Variants in ABCF1 observed in about 807,000 individuals in gnomAD.
ABCF1 encodes ATP binding cassette subfamily F member 1.
A neutral mutation model predicts 126.3 loss-of-function variants in ABCF1; 73 were observed. That is an observed-to-expected ratio of 0.58 (90% CI 0.48 to 0.70). ABCF1 has a LOEUF of 0.70. Ranked by LOEUF, ABCF1 falls within the 30% of genes least tolerant of loss-of-function variation. The pLI, the probability that ABCF1 is intolerant of heterozygous loss-of-function variation, is 0.00. For synonymous variants in ABCF1, 345 were observed against 396.4 expected (o/e 0.87, Z 1.54); for missense variants, 786 against 1,057.5 (o/e 0.74, Z 3.56).
intron 6 of ABCF1, among the ~76,000 whole-genome samples, chr6:30,579,130 G>A (rs535916832): frequency 1.3e-5 from 2 of 152,272 alleles, no homozygotes; most frequent in Non-Finnish European, 2.9e-5. Flanking sequence ...TCTTCTGCGT[G>A]TGCATCTTAG....
intron 8 of ABCF1, among the ~76,000 whole-genome samples, chr6:30,581,113 A>C (rs1439096289): frequency 6.6e-6 from 1 of 151,972 alleles, no homozygotes. Context: ...TTCAGGAGCT[A>C]TATAAAAATA....
At position 30,590,384 on chromosome 6, in the gene ABCF1, T is replaced by G; in HGVS notation, c.2371+6T>G. 1 of 1,605,074 alleles carries G rather than the reference T, an allele frequency of 6.2e-7. No individual in the cohort carries two copies. The highest frequency in any genetic ancestry group is 8.5e-7 in the Non-Finnish European group (1 of 1,175,548). ...CATCAATGAATACAAGGGTGGTAAG[T>G]CAGCTGAGAGTGTGCCCTCATCCCT... On this transcript the variant is annotated splice_donor_region_variant and intron_variant, in intron 24 of 24. Coordinates refer to ENST00000326195, the MANE Select transcript of ABCF1 (RefSeq NM_001025091.2).
chr6:30,579,021 A>C (rs985129588), intron 6 of ABCF1, among the ~76,000 whole-genome samples: 3 of 151,992 alleles, frequency 2.0e-5, no homozygotes, highest in Admixed American at 6.6e-5. Context: ...AACAAAAAAA[A>C]CCATGCCATT....
At chr6:30,582,714 G>C (rs1032473160) in intron 9 of ABCF1, among the ~76,000 whole-genome samples, 1 of 151,984 alleles carries the variant, frequency 6.6e-6, no homozygotes, top group Non-Finnish European at 1.5e-5. Context: ...TATTTTTTGA[G>C]ACAGGGTCTC....
chr6:30,585,677 A>G lies in ABCF1; in HGVS notation c.1595A>G (p.Asn532Ser), dbSNP rs1485253707. The change falls in exon 16 of 25, where the codon AAT becomes AGT. Residue 532 changes from asparagine (N) to serine (S), a missense_variant. Asn to Ser is a conservative substitution (Grantham distance 46). Coordinates refer to ENST00000326195, the MANE Select transcript of ABCF1 (RefSeq NM_001025091.2). ...CAGCGGCTCCACTACTATAGGGGCA[A>G]TTACAGTAAGTAGGATTGTGTGTGG... ...DAQRLHYYRG[N>S]YMTFKKMYQQ... The G allele has an allele frequency of 1.2e-6, 2 of 1,613,020 alleles. No individual in the cohort carries two copies. Among genetic ancestry groups the G allele is most frequent in the African/African-American group, 1.3e-5 (1 of 75,030 alleles).
At position 30,585,915 on chromosome 6, in the gene ABCF1, A is replaced by T; in HGVS notation, c.1637A>T (p.Glu546Val). The change falls in exon 17 of 25, where the codon GAA becomes GTA. Residue 546 changes from glutamate (E) to valine (V), a missense_variant. Around this residue, in one of 4 missense-constraint regions of ABCF1, gnomAD observed 288 missense variants for 423.5 expected, o/e 0.68. Transcript: ENST00000326195. Reference protein sequence around the residue: ...FKKMYQQKQKELLKQYEKQEK... With the variant: ...FKKMYQQKQKVLLKQYEKQEK... ...AAGATGTACCAGCAGAAGCAGAAAG[A>T]ACTGCTGAAACAGTATGAGAAGCAA... The T allele has an allele frequency of 6.2e-7, 1 of 1,609,632 alleles. No individual in the cohort carries two copies. The highest frequency in any genetic ancestry group is 8.5e-7 in the Non-Finnish European group (1 of 1,178,154).
At position 30,582,394 on chromosome 6, in the gene ABCF1, G is replaced by C; in HGVS notation, c.679G>C (p.Gly227Arg). 3 of 1,592,008 alleles carry C rather than the reference G, an allele frequency of 1.9e-6. 1 individual carries two copies. Among genetic ancestry groups the C allele is most frequent in the Non-Finnish European group, 2.6e-6 (3 of 1,162,504 alleles). Residue 227 changes from glycine to arginine, a missense_variant and splice_region_variant, in exon 9 of 25, where the codon GGT becomes CGT. Around this residue, in one of 4 missense-constraint regions of ABCF1, gnomAD observed 322 missense variants for 322.9 expected, o/e 1.00. Coordinates refer to ENST00000326195, the MANE Select transcript of ABCF1 (RefSeq NM_001025091.2). Reference sequence around the variant, plus strand: ...TTTGACCATCCCCGGGTTCTCACAGGGTTCAGAGGAAGAAGGAGAAGGGGA... The same window carrying C: ...TTTGACCATCCCCGGGTTCTCACAGCGTTCAGAGGAAGAAGGAGAAGGGGA... Reference protein sequence around the residue: ...GKEKAKKAEQGSEEEGEGEEE... With the variant: ...GKEKAKKAEQRSEEEGEGEEE...
At chr6:30,572,892 A>C (rs1484460684) in intron 1 of ABCF1, among the ~76,000 whole-genome samples, 1 of 152,232 alleles carries the variant, frequency 6.6e-6, no homozygotes, top group Non-Finnish European at 1.5e-5. Flanking sequence ...GATGTAGGCA[A>C]GCCTGACTGG....
chr6:30,583,733 C>CA lies in ABCF1; in HGVS notation c.1016+31dup. ...GGTGAGAAGAGGAGGGAGCTGGAGG[C>CA]AAAAAAGGGCCTGGAGGGAAAAGAA... On this transcript the variant is annotated intron_variant, in intron 11 of 24. Transcript: ENST00000326195. The surrounding 1 kb of genome is among the most constrained non-coding windows in gnomAD (Gnocchi z 4.1). 2 of 1,612,012 alleles carry CA rather than the reference C, an allele frequency of 1.2e-6. No homozygotes were observed. Among genetic ancestry groups the CA allele is most frequent in the South Asian group, 1.1e-5 (1 of 90,996 alleles).
intron 1 of ABCF1, among the ~76,000 whole-genome samples, chr6:30,573,224 G>A (rs1325364431): frequency 6.6e-6 from 1 of 152,232 alleles, no homozygotes; most frequent in Non-Finnish European, 1.5e-5. Flanking sequence ...GATCGGAACT[G>A]AGAACTGATT....
chr6:30,583,594 C>T lies in ABCF1; in HGVS notation c.916-14C>T. On this transcript the variant is annotated splice_polypyrimidine_tract_variant and intron_variant, in intron 10 of 24. Transcript: ENST00000326195. The surrounding 1 kb of genome is among the most constrained non-coding windows in gnomAD (Gnocchi z 4.1). ...CATCCCTTCCCTCTGCCACCTCTTT[C>T]CTGATGGCTGCAGCTGGAGAAGTTC... 1 of 1,613,662 alleles carries T rather than the reference C, an allele frequency of 6.2e-7. No homozygotes were observed. The highest frequency in any genetic ancestry group is 8.5e-7 in the Non-Finnish European group (1 of 1,179,576).
At chr6:30,575,361 C>A (rs957171919) in intron 1 of ABCF1, among the ~76,000 whole-genome samples, 52 of 98,792 alleles carry the variant, frequency 5.3e-4, no homozygotes, top group African/African-American at 1.6e-3. Context: ...AGCCGCCGCA[C>A]CCGACCAATT....
At position 30,586,534 on chromosome 6, in the gene ABCF1, A is replaced by G. The variant is rs759318760; in HGVS notation, c.1946A>G (p.Asp649Gly). Residue 649 changes from aspartate (D) to glycine (G), a missense_variant, in exon 19 of 25, where the codon GAC (aspartate) becomes GGC (glycine). Asp to Gly is a moderately conservative substitution (Grantham distance 94). Around this residue, in one of 4 missense-constraint regions of ABCF1, gnomAD observed 288 missense variants for 423.5 expected, o/e 0.68. Coordinates refer to ENST00000326195, the MANE Select transcript of ABCF1 (RefSeq NM_001025091.2). The surrounding 1 kb of genome is among the most constrained non-coding windows in gnomAD (Gnocchi z 4.9). ...PLFKNLDFGI[D>G]MDSRICIVGP... ...TTTAAGAACTTGGATTTTGGCATCG[A>G]CATGGATTCAAGGAGTGAGTTGGCG... is the stretch of plus-strand genomic sequence containing the variant. 1.2e-6 allele frequency: 2 copies of G among 1,613,356 alleles called. No homozygotes were observed. Among genetic ancestry groups the G allele is most frequent in the South Asian group, 2.2e-5 (2 of 91,092 alleles).
rs781701967 is a variant in ABCF1 at position 30,577,486 on chromosome 6, G to A, written c.120+31G>A. 51 of 1,608,192 alleles carry A rather than the reference G, an allele frequency of 3.2e-5. No individual in the cohort carries two copies. The Middle Eastern group carries it at 4.9e-4, about 16-fold the overall frequency. ...AAAATGAGGGTTGAGGATAAGAAAT[G>A]ACTATGGATGTTTCCAAGCTAAATA... On this transcript the variant is annotated intron_variant, in intron 2 of 24. Transcript: ENST00000326195.
Position 30,584,654 on chromosome 6 carries a change from T to C in ABCF1, c.1391+88T>C, listed in dbSNP as rs911566324. On this transcript the variant is annotated intron_variant, in intron 14 of 24. Coordinates refer to ENST00000326195, the MANE Select transcript of ABCF1 (RefSeq NM_001025091.2). The surrounding 1 kb of genome is among the most constrained non-coding windows in gnomAD (Gnocchi z 4.6). ...TCCCTTCTCATTCTTCCAAGGCCAA[T>C]AGGGAGGCTCAAGGCTTACCTCTCC... 73 of 1,482,024 alleles carry C rather than the reference T, an allele frequency of 4.9e-5. No individual in the cohort carries two copies. In the Middle Eastern group the frequency reaches 9.5e-4, roughly 19 times the overall value. 91.8% of individuals were successfully genotyped at this position (1,482,024 alleles called of 1,614,324 possible).
Position 30,579,502 on chromosome 6 carries a change from G to A in ABCF1, c.490-429G>A, listed in dbSNP as rs1264445. 8.0e-3 allele frequency among the ~76,000 whole-genome samples: 1,094 copies of A among 136,156 alleles called. 9 individuals carry two copies. Among genetic ancestry groups the A allele is most frequent in the Admixed American group, 0.011 (141 of 12,302 alleles). The allele number at this position is 136,156 out of a possible 152,430, so 89.3% of individuals were successfully genotyped here. A position where few individuals can be genotyped will look rare whatever the true frequency, so the allele number is the denominator to read the frequency against. On this transcript the variant is annotated intron_variant, in intron 6 of 24. Transcript: ENST00000326195. ...GAGACGGAGTCTCACTCTGTTGCCAGGCTGGAGTGCAGTGGCGTAATCCTG... is the reference window on the plus strand; with the variant it reads ...GAGACGGAGTCTCACTCTGTTGCCAAGCTGGAGTGCAGTGGCGTAATCCTG...
rs778822213 is a variant in ABCF1, at chr6:30,583,668, A to G, written c.976A>G (p.Ile326Val). Residue 326 changes from isoleucine (I) to valine (V), a missense_variant, in exon 11 of 25, where the codon ATT (isoleucine) becomes GTT (valine). Ile to Val is a conservative substitution (Grantham distance 29). Around this residue, in one of 4 missense-constraint regions of ABCF1, gnomAD observed 163 missense variants for 255.3 expected, o/e 0.64. Transcript: ENST00000326195. This position sits in a 1 kb window ranked among gnomAD's most constrained non-coding sequence, Gnocchi z 4.1. ...KELFVNADLY[I>V]VAGRRYGLVG... The stretch of plus-strand genomic sequence containing the variant: ...GCTGTTCGTCAATGCAGACCTGTAC[A>G]TTGTAGCCGGCCGCCGCTACGGGCT... 18 of 1,613,840 alleles carry G rather than the reference A, an allele frequency of 1.1e-5. No homozygotes were observed. Among genetic ancestry groups the G allele is most frequent in the East Asian group, 4.5e-5 (2 of 44,896 alleles).
rs552337457 is a variant in ABCF1 at position 30,582,166 on chromosome 6, C to G, written c.679-228C>G. ...CCTCCTCCCAGGTTCACACCATTCT[C>G]CTGCCTCAGCCTCCCGAGTAGCTGG... On this transcript the variant is annotated intron_variant, in intron 8 of 24. Coordinates refer to ENST00000326195, the MANE Select transcript of ABCF1 (RefSeq NM_001025091.2). Among the ~76,000 whole-genome samples, 494 of 151,982 alleles carry G rather than the reference C, an allele frequency of 3.3e-3. 3 individuals are homozygous for G. The highest frequency in any genetic ancestry group is 0.011 in the African/African-American group (449 of 41,444).
In ABCF1 at chr6:30,586,139, A is replaced by G; in HGVS notation, c.1719A>G (p.Lys573=). 1 of 1,610,720 alleles carries G rather than the reference A, an allele frequency of 6.2e-7. No homozygotes were observed. Among genetic ancestry groups the G allele is most frequent in the Non-Finnish European group, 8.5e-7 (1 of 1,179,004 alleles). Residue 573 remains lysine (K), a synonymous_variant, in exon 18 of 25, where the codon AAA becomes AAG. Coordinates refer to ENST00000326195, the MANE Select transcript of ABCF1 (RefSeq NM_001025091.2). The surrounding 1 kb of genome is among the most constrained non-coding windows in gnomAD (Gnocchi z 4.9). ...AGGKSTKQAE[K]QTKEALTRKQ... is the part of the protein sequence containing the mutation. ...TTTTTCCTCTTCCTCTCCAGGAAAAACAAACGAAGGAAGCCCTGACTCGGA... is the reference window on the plus strand; with the variant it reads ...TTTTTCCTCTTCCTCTCCAGGAAAAGCAAACGAAGGAAGCCCTGACTCGGA...
Sources: gnomAD v4.1 joint callset for allele counts (sites outside exome capture counted in the v4.1 genomes callset) on GRCh38, gnomAD v4.1.1 for gene constraint, gnomAD v4.1.1 regional missense constraint, Gnocchi (gnomAD v3.1) non-coding constraint, MANE v1.5 for transcripts, NCBI Gene and HGNC (gene_info 2026-07-23, HGNC 2026-07-21) for gene names.